The following CMIP variants were observed in gnomAD, a reference collection of about 807,000 sequenced individuals.
CMIP encodes the protein c-Maf inducing protein.
Under a neutral mutation model 97.3 loss-of-function variants are expected in CMIP, and 13 were observed. That is an observed-to-expected ratio of 0.13 (90% CI 0.09 to 0.21). The LOEUF (loss-of-function observed/expected upper bound fraction) is 0.21, where lower values mean the gene tolerates loss of function less well. Ranked by LOEUF, CMIP falls within the 10% of genes least tolerant of loss-of-function variation. CMIP has a pLI of 1.00. For synonymous variants in CMIP, 538 were observed against 436.3 expected, an observed-to-expected ratio of 1.23 and a Z score of -2.91; for missense variants, 847 against 1,024.9, an observed-to-expected ratio of 0.83 and a Z score of 2.37.
At chr16:81,452,539 C>T (rs1440297149) in intron 1 of CMIP, among the ~76,000 whole-genome samples, 1 of 152,006 alleles carries the variant, frequency 6.6e-6, no homozygotes, top group Non-Finnish European at 1.5e-5. Context: ...GAAAAGCAAG[C>T]AGGGTGGGGC....
At chr16:81,548,962 C>T (rs142186911) in intron 1 of CMIP, among the ~76,000 whole-genome samples, 11 of 152,228 alleles carry the variant, frequency 7.2e-5, no homozygotes, top group South Asian at 4.1e-4. Flanking sequence ...ATTTCACACA[C>T]GAGGATTGAC....
intron 3 of CMIP, among the ~76,000 whole-genome samples, chr16:81,626,816 T>TGTGG (rs1555540039): frequency 2.5e-5 from 3 of 118,572 alleles, no homozygotes; most frequent in Non-Finnish European, 1.8e-5. Context: ...TGTGTGTGTG[T>TGTGG]GGGGTGCATA....
chr16:81,584,616 A>G (rs1284877779), intron 1 of CMIP, among the ~76,000 whole-genome samples: 1 of 152,140 alleles, frequency 6.6e-6, no homozygotes, highest in Non-Finnish European at 1.5e-5. Context: ...GCAGTCCCAC[A>G]TAATGACAGG....
At chr16:81,588,796 C>G (rs982668503) in intron 1 of CMIP, among the ~76,000 whole-genome samples, 1 of 152,150 alleles carries the variant, frequency 6.6e-6, no homozygotes, top group African/African-American at 2.4e-5. Context: ...CGCTGACATT[C>G]ATTGAGCACT....
chr16:81,649,123 G>A (rs2092398529), intron 3 of CMIP, among the ~76,000 whole-genome samples: 1 of 152,244 alleles, frequency 6.6e-6, no homozygotes, highest in African/African-American at 2.4e-5. Context: ...ATACTGTGAG[G>A]ATTGAGTGGG....
rs1399679810 is a variant in CMIP at position 81,560,312 on chromosome 16, G to A, written c.301-47255G>A. Among the ~76,000 whole-genome samples, 4 of 151,092 alleles carry A rather than the reference G, an allele frequency of 2.6e-5. 1 individual carries two copies. Among genetic ancestry groups the A allele is most frequent in the South Asian group, 4.2e-4 (2 of 4,754 alleles). Reference sequence around the variant, plus strand: ...CGGCTCGCTGCAAGCTCCGCCTCCCGGGTTCACGCCATTCTCCTGCCTCAG... The same window carrying A: ...CGGCTCGCTGCAAGCTCCGCCTCCCAGGTTCACGCCATTCTCCTGCCTCAG... On this transcript the variant is annotated intron_variant, in intron 1 of 20. Transcript: ENST00000537098.
At chr16:81,547,918 C>G (rs1389240274) in intron 1 of CMIP, among the ~76,000 whole-genome samples, 1 of 152,196 alleles carries the variant, frequency 6.6e-6, no homozygotes, top group Non-Finnish European at 1.5e-5. Context: ...CTCTTCAGCT[C>G]TGCTCTTCCT....
chr16:81,500,390 CTTCTCTCTCTCCTTCT>C (rs2089584536), intron 1 of CMIP, among the ~76,000 whole-genome samples: 2 of 118,432 alleles, frequency 1.7e-5, no homozygotes, highest in African/African-American at 3.3e-5. Flanking sequence ...TCCCTTCCTC[CTTCTCTCTCTCCTTCT>C]CTCCCTCCTC....
At chr16:81,651,827 C>T (rs1187038860) in intron 3 of CMIP, among the ~76,000 whole-genome samples, 1 of 152,190 alleles carries the variant, frequency 6.6e-6, no homozygotes, top group Admixed American at 6.5e-5. Flanking sequence ...TGTCTCAGCT[C>T]TGCCAACTCT....
At chr16:81,554,298 C>T in intron 1 of CMIP, among the ~76,000 whole-genome samples, 1 of 152,146 alleles carries the variant, frequency 6.6e-6, no homozygotes, top group East Asian at 1.9e-4. Context: ...GCACTTTAAC[C>T]TGTTATTCTC....
At chr16:81,622,414 G>T (rs2092004463) in intron 3 of CMIP, among the ~76,000 whole-genome samples, 1 of 152,196 alleles carries the variant, frequency 6.6e-6, no homozygotes, top group South Asian at 2.1e-4. Context: ...GGGTACGAGT[G>T]TGTCTGAAGA....
chr16:81,703,851 G>A, intron 17 of CMIP, 88 bp from the exon 18 acceptor site: 4 of 1,483,134 alleles, frequency 2.7e-6, no homozygotes, highest in South Asian at 2.6e-5. Flanking sequence ...GTAGGGCGAG[G>A]GGAGAGGAGG....
At chr16:81,591,278 A>G (rs2091463217) in intron 1 of CMIP, among the ~76,000 whole-genome samples, 2 of 152,218 alleles carry the variant, frequency 1.3e-5, no homozygotes, top group African/African-American at 2.4e-5. Flanking sequence ...TCTGGCACAC[A>G]TGAGGTCTTT....
intron 7 of CMIP, among the ~76,000 whole-genome samples, chr16:81,669,195 C>T (rs1489770719): frequency 7.3e-6 from 1 of 136,706 alleles, no homozygotes; most frequent in African/African-American, 2.8e-5. Context: ...TCTCACCTTC[C>T]ACACCCATCT....
chr16:81,556,908 C>G (rs557505152), intron 1 of CMIP, among the ~76,000 whole-genome samples: 1 of 152,278 alleles, frequency 6.6e-6, no homozygotes, highest in South Asian at 2.1e-4. Context: ...GTAAACTGTC[C>G]CAGACCAGGG....
At chr16:81,519,769 A>G (rs190326891) in intron 1 of CMIP, 24 of 152,366 alleles carry the variant, frequency 1.6e-4, no homozygotes, top group Admixed American at 1.2e-3. Flanking sequence ...TCACTCAAGT[A>G]TGTCCATCAT....
At chr16:81,568,577 A>G (rs1597098355) in intron 1 of CMIP, among the ~76,000 whole-genome samples, 1 of 152,222 alleles carries the variant, frequency 6.6e-6, no homozygotes. Flanking sequence ...AGGACCCGGC[A>G]TGACAGCCCT....
At chr16:81,515,617 A>G (rs2089897665) in intron 1 of CMIP, among the ~76,000 whole-genome samples, 1 of 152,130 alleles carries the variant, frequency 6.6e-6, no homozygotes, top group South Asian at 2.1e-4. Context: ...CTCTCAAATG[A>G]AGCATCACCG....
chr16:81,565,287 C>T (rs2090959273), intron 1 of CMIP, among the ~76,000 whole-genome samples: 2 of 152,200 alleles, frequency 1.3e-5, no homozygotes. Context: ...CACTGGGTGG[C>T]AGTGGGCTTT....
Sources: allele counts gnomAD v4.1 joint callset (sites outside exome capture counted in the v4.1 genomes callset), GRCh38; gene constraint gnomAD v4.1.1; transcripts MANE v1.5; gene names NCBI Gene and HGNC (gene_info 2026-07-23, HGNC 2026-07-21).